Variants in RBFOX1 observed in about 807,000 individuals in gnomAD.
RBFOX1 encodes RNA binding fox-1 homolog 1, also known as RNA binding protein fox-1 homolog 1.
Under a neutral mutation model 57.7 loss-of-function variants are expected in RBFOX1, and 8 were observed. The ratio of observed to expected loss-of-function variants is 0.14; its 90% CI spans 0.08 to 0.25. The LOEUF (loss-of-function observed/expected upper bound fraction) is 0.25. Ranked by LOEUF, RBFOX1 falls within the 10% of genes least tolerant of loss-of-function variation. The pLI is 1.00. For missense variants in RBFOX1, 611 were observed against 548.5 expected (o/e 1.11, Z -1.14); for synonymous variants, 326 against 222.4 (o/e 1.47, Z -4.15).
intron 2 of RBFOX1, among the ~76,000 whole-genome samples, chr16:6,534,531 G>C (rs927930626): frequency 6.6e-5 from 10 of 152,120 alleles, no homozygotes; most frequent in African/African-American, 2.4e-4. Flanking sequence ...ATTGGGAAAG[G>C]ACATCCTGTT....
chr16:6,744,078 A>G (rs959063870), intron 3 of RBFOX1, among the ~76,000 whole-genome samples: 1 of 152,146 alleles, frequency 6.6e-6, no homozygotes, highest in African/African-American at 2.4e-5. Context: ...TCTAAAGAAT[A>G]CTGAAGTAAC....
intron 4 of RBFOX1, among the ~76,000 whole-genome samples, chr16:7,442,628 T>A (rs1182276646): frequency 6.6e-6 from 1 of 152,028 alleles, no homozygotes; most frequent in African/African-American, 2.4e-5. Context: ...TCTGCTAAAT[T>A]TTTGATAGGA....
At chr16:7,401,705 G>A (rs890354804) in intron 4 of RBFOX1, among the ~76,000 whole-genome samples, 7 of 152,132 alleles carry the variant, frequency 4.6e-5, no homozygotes, top group African/African-American at 1.7e-4. Flanking sequence ...CCAGAATTGA[G>A]GATGACAGTG....
intron 3 of RBFOX1, among the ~76,000 whole-genome samples, chr16:5,800,215 G>A (rs2055013613): frequency 6.6e-6 from 1 of 152,138 alleles, no homozygotes; most frequent in African/African-American, 2.4e-5. Flanking sequence ...ACACCCAAGG[G>A]CCACAGGTGA....
chr16:6,209,459 C>G (rs2097277821), intron 1 of RBFOX1, among the ~76,000 whole-genome samples: 1 of 152,198 alleles, frequency 6.6e-6, no homozygotes, highest in Non-Finnish European at 1.5e-5. Flanking sequence ...TGAGGTTGAG[C>G]TTAATGCCGT....
At chr16:7,295,684 A>G (rs2095874922) in intron 4 of RBFOX1, among the ~76,000 whole-genome samples, 1 of 152,058 alleles carries the variant, frequency 6.6e-6, no homozygotes, top group Non-Finnish European at 1.5e-5. Context: ...TCAGGGGAGT[A>G]CACCTTTTGC....
chr16:7,075,799 C>G (rs1411917573), intron 4 of RBFOX1, among the ~76,000 whole-genome samples: 1 of 152,122 alleles, frequency 6.6e-6, no homozygotes, highest in African/African-American at 2.4e-5. Context: ...CCAGGATGGT[C>G]TTGATCTCCT....
intron 3 of RBFOX1, among the ~76,000 whole-genome samples, chr16:6,945,406 C>T (rs540118240): frequency 1.4e-5 from 2 of 147,618 alleles, no homozygotes; most frequent in East Asian, 1.9e-4. Context: ...TCTAGATGGC[C>T]ATGCAGGAAT....
chr16:5,490,495 T>C (rs1444157249), intron 2 of RBFOX1, among the ~76,000 whole-genome samples: 1 of 152,208 alleles, frequency 6.6e-6, no homozygotes, highest in Admixed American at 6.5e-5. Context: ...CTGGCGTTGC[T>C]ATCCGGAGCC....
intron 4 of RBFOX1, among the ~76,000 whole-genome samples, chr16:5,938,323 G>A (rs542866070): frequency 6.6e-6 from 1 of 152,278 alleles, no homozygotes; most frequent in South Asian, 2.1e-4. Flanking sequence ...CTCCTCCAGA[G>A]TGTCTCACTG....
intron 1 of RBFOX1, among the ~76,000 whole-genome samples, chr16:6,121,940 G>C (rs2096553012): frequency 6.6e-6 from 1 of 152,228 alleles, no homozygotes; most frequent in African/African-American, 2.4e-5. Context: ...CTCATTCACT[G>C]TCTCACCCAG....
At chr16:7,618,746 CAG>C (rs1048204640) in intron 10 of RBFOX1, among the ~76,000 whole-genome samples, 6 of 152,154 alleles carry the variant, frequency 3.9e-5, no homozygotes, top group African/African-American at 1.4e-4. Context: ...ACATATAAAA[CAG>C]AGCTGTCCTG....
At chr16:7,566,226 A>G (rs1410222836) in intron 5 of RBFOX1, among the ~76,000 whole-genome samples, 1 of 152,154 alleles carries the variant, frequency 6.6e-6, no homozygotes, top group Non-Finnish European at 1.5e-5. Context: ...CCAGGACTCT[A>G]GTAGTTCAAA....
rs141973993 is a variant in RBFOX1, at chr16:7,438,479, C to G, written c.28-79668C>G. Among the ~76,000 whole-genome samples, 810 of 152,260 alleles carry G rather than the reference C, an allele frequency of 5.3e-3. 6 individuals carry two copies. Among genetic ancestry groups the G allele is most frequent in the African/African-American group, 0.018 (757 of 41,544 alleles). ...TCAAGGAGAGATGGCGGGACAATAACTGCTCTGGGGATCAGACTGGAACAT... is the reference window on the plus strand; with the variant it reads ...TCAAGGAGAGATGGCGGGACAATAAGTGCTCTGGGGATCAGACTGGAACAT... On this transcript the variant is annotated intron_variant, in intron 4 of 15. Coordinates refer to ENST00000550418, the MANE Select transcript of RBFOX1 (RefSeq NM_018723.4).
chr16:5,317,057 C>T (rs926290976), intron 1 of RBFOX1, among the ~76,000 whole-genome samples: 3 of 152,166 alleles, frequency 2.0e-5, no homozygotes, highest in Admixed American at 2.0e-4. Flanking sequence ...GCACCGATAG[C>T]CTCCTGGGCT....
At chr16:5,557,966 G>C (rs2045743065) in intron 2 of RBFOX1, among the ~76,000 whole-genome samples, 1 of 152,200 alleles carries the variant, frequency 6.6e-6, no homozygotes, top group African/African-American at 2.4e-5. Flanking sequence ...AAGCATGTCT[G>C]GATGCCAAGG....
At chr16:7,016,488 C>T (rs942970748) in intron 3 of RBFOX1, among the ~76,000 whole-genome samples, 7 of 152,118 alleles carry the variant, frequency 4.6e-5, no homozygotes, top group Non-Finnish European at 1.0e-4. Context: ...ACTGAACTGC[C>T]GTGATAACAG....
At chr16:6,185,519 C>T (rs1477828202) in intron 1 of RBFOX1, among the ~76,000 whole-genome samples, 1 of 152,210 alleles carries the variant, frequency 6.6e-6, no homozygotes, top group African/African-American at 2.4e-5. Flanking sequence ...TATCCCCAGC[C>T]TGTCTCTTTC....
At chr16:6,957,605 C>G (rs1166977235) in intron 3 of RBFOX1, among the ~76,000 whole-genome samples, 1 of 152,072 alleles carries the variant, frequency 6.6e-6, no homozygotes, top group Non-Finnish European at 1.5e-5. Flanking sequence ...TTACTGCAAC[C>G]TGTTTTATCA....
Sources: gnomAD v4.1 joint callset for allele counts (sites outside exome capture counted in the v4.1 genomes callset) on GRCh38, gnomAD v4.1.1 for gene constraint, MANE v1.5 for transcripts, NCBI Gene and HGNC (gene_info 2026-07-23, HGNC 2026-07-21) for gene names.